Variants in ZNF385B observed in about 807,000 individuals in gnomAD.
ZNF385B encodes the protein zinc finger protein 385B.
Under a neutral mutation model 39.2 loss-of-function variants are expected in ZNF385B, and 23 were observed. The ratio of observed to expected loss-of-function variants is 0.59; its 90% CI spans 0.42 to 0.83. The LOEUF (loss-of-function observed/expected upper bound fraction) is 0.83, where lower values mean the gene tolerates loss of function less well. ZNF385B is among the 40% of genes least tolerant of loss of function. The pLI, the probability that ZNF385B is intolerant of heterozygous loss-of-function variation, is 0.00. For synonymous variants in ZNF385B, 205 were observed against 222.6 expected (o/e 0.92, Z 0.70); for missense variants, 552 against 598.9 (o/e 0.92, Z 0.82).
At chr2:179,618,488 C>T (rs1323857715) in intron 3 of ZNF385B, among the ~76,000 whole-genome samples, 3 of 152,190 alleles carry the variant, frequency 2.0e-5, no homozygotes, top group Non-Finnish European at 4.4e-5. Flanking sequence ...AAATAATTCA[C>T]TTGTTTTGCT....
At position 179,792,084 on chromosome 2, in the gene ZNF385B, T is replaced by A. The variant is rs576090888; in HGVS notation, c.-154-21412A>T. ...GCTTTACTTTTTATTTTCTAAAATA[T>A]CAAAATATTATTTCTCCTGATTACT... On this transcript the variant is annotated intron_variant, in intron 1 of 9. Coordinates refer to ENST00000410066, the MANE Select transcript of ZNF385B (RefSeq NM_152520.6). 1.3e-3 allele frequency among the ~76,000 whole-genome samples: 196 copies of A among 152,186 alleles called. 1 individual carries two copies. In the South Asian group the frequency reaches 0.014, roughly 11 times the overall value.
intron 3 of ZNF385B, among the ~76,000 whole-genome samples, chr2:179,708,569 G>A (rs1046157474): frequency 4.6e-5 from 7 of 152,260 alleles, no homozygotes; most frequent in Admixed American, 6.5e-5. Context: ...TGGGAAGACC[G>A]CTACCAAAAC....
chr2:179,570,808 T>G (rs1462970295), intron 3 of ZNF385B, among the ~76,000 whole-genome samples: 1 of 152,254 alleles, frequency 6.6e-6, no homozygotes, highest in Non-Finnish European at 1.5e-5. Context: ...CATGTTCATT[T>G]CTCAGAGAGA....
rs180996266 is a variant in ZNF385B, at chr2:179,655,554, C to G, written c.299-110585G>C. On this transcript the variant is annotated intron_variant, in intron 3 of 9. Transcript: ENST00000410066. ...GGGTTTTAAGAGCAAATCACAAAAG[C>G]AGAATAAGTACTTGGAGGAAAAAAA... Among the ~76,000 whole-genome samples the G allele has an allele frequency of 1.1e-4, 17 of 148,808 alleles. No individual in the cohort carries two copies. The East Asian group carries it at 3.3e-3, about 29-fold the overall frequency.
At chr2:179,678,980 C>T (rs891653435) in intron 3 of ZNF385B, among the ~76,000 whole-genome samples, 7 of 152,150 alleles carry the variant, frequency 4.6e-5, no homozygotes, top group African/African-American at 1.7e-4. Flanking sequence ...ATTATAATTT[C>T]CTTAAGGTTA....
chr2:179,612,842 T>C (rs1689404518), intron 3 of ZNF385B, among the ~76,000 whole-genome samples: 1 of 152,202 alleles, frequency 6.6e-6, no homozygotes, highest in East Asian at 1.9e-4. Flanking sequence ...TCTGCAGCCC[T>C]GGGAACGTCT....
chr2:179,482,626 C>G lies in ZNF385B; in HGVS notation c.715+646G>C, dbSNP rs561965741. On this transcript the variant is annotated intron_variant, in intron 6 of 9. Coordinates refer to ENST00000410066, the MANE Select transcript of ZNF385B (RefSeq NM_152520.6). ...GGCATTTCACCTAGTAATCCATTTC[C>G]ATTTATATATAAAGGTCTTCTGTTA... 5.9e-5 allele frequency among the ~76,000 whole-genome samples: 9 copies of G among 152,304 alleles called. No individual in the cohort carries two copies. In the East Asian group the frequency reaches 1.5e-3, roughly 26 times the overall value.
chr2:179,752,697 A>G (rs1410615042), intron 3 of ZNF385B, among the ~76,000 whole-genome samples: 1 of 151,944 alleles, frequency 6.6e-6, no homozygotes, highest in African/African-American at 2.4e-5. Flanking sequence ...GATGATGAGC[A>G]TTTTTTCATT....
At chr2:179,445,197 C>G (rs1574154372) in intron 8 of ZNF385B, among the ~76,000 whole-genome samples, 1 of 152,092 alleles carries the variant, frequency 6.6e-6, no homozygotes, top group South Asian at 2.1e-4. Flanking sequence ...CAGATTTTGC[C>G]TGGTATTACC....
chr2:179,635,171 T>C (rs998533495), intron 3 of ZNF385B, among the ~76,000 whole-genome samples: 1 of 149,752 alleles, frequency 6.7e-6, no homozygotes, highest in Non-Finnish European at 1.5e-5. Flanking sequence ...AAAGAAAATG[T>C]GACACATATA....
intron 4 of ZNF385B, among the ~76,000 whole-genome samples, chr2:179,532,072 T>C (rs1452149282): frequency 3.9e-5 from 6 of 152,328 alleles, no homozygotes; most frequent in Non-Finnish European, 8.8e-5. Flanking sequence ...CTTTATCGAA[T>C]AAGGCTCTGT....
chr2:179,600,812 T>A (rs1688351388), intron 3 of ZNF385B, among the ~76,000 whole-genome samples: 1 of 152,158 alleles, frequency 6.6e-6, no homozygotes. Flanking sequence ...CTTTTCTTCC[T>A]CCATTACAGA....
intron 5 of ZNF385B, chr2:179,514,375 C>G (rs1559379741): frequency 6.6e-6 from 1 of 152,204 alleles, no homozygotes. Flanking sequence ...CCAGGACAAT[C>G]CTTTTATCAT....
intron 3 of ZNF385B, among the ~76,000 whole-genome samples, chr2:179,683,810 G>C (rs1019844966): frequency 3.9e-5 from 6 of 152,034 alleles, no homozygotes; most frequent in Non-Finnish European, 8.8e-5. Context: ...CTGCATTACT[G>C]TTACCATTAG....
In ZNF385B at chr2:179,848,381, G is replaced by A. The variant is rs530887803; in HGVS notation, c.-155+12720C>T. Among the ~76,000 whole-genome samples, 9 of 152,266 alleles carry A rather than the reference G, an allele frequency of 5.9e-5. No homozygotes were observed. The South Asian group carries it at 1.0e-3, about 18-fold the overall frequency. On this transcript the variant is annotated intron_variant, in intron 1 of 9. Transcript: ENST00000410066. ...AGGCTGTTGAGGTGTCTAGCCTAGCGCAAGCTTCTATTATAGGCAAAGCAG... is the reference window on the plus strand; with the variant it reads ...AGGCTGTTGAGGTGTCTAGCCTAGCACAAGCTTCTATTATAGGCAAAGCAG...
At chr2:179,700,538 A>G (rs1699112605) in intron 3 of ZNF385B, among the ~76,000 whole-genome samples, 1 of 152,188 alleles carries the variant, frequency 6.6e-6, no homozygotes, top group African/African-American at 2.4e-5. Context: ...ATATATCTTT[A>G]CCTAAAGAAC....
chr2:179,498,461 C>T (rs2056448191), intron 5 of ZNF385B, among the ~76,000 whole-genome samples: 1 of 151,712 alleles, frequency 6.6e-6, no homozygotes, highest in African/African-American at 2.4e-5. Context: ...CTTAAAACAT[C>T]AAAAAAATGA....
chr2:179,499,343 T>G (rs1297925796), intron 5 of ZNF385B, among the ~76,000 whole-genome samples: 1 of 151,314 alleles, frequency 6.6e-6, no homozygotes, highest in Non-Finnish European at 1.5e-5. Flanking sequence ...TACAAAGACA[T>G]AAAAAAATTG....
chr2:179,744,467 C>T (rs1702262796), intron 3 of ZNF385B, among the ~76,000 whole-genome samples: 1 of 152,070 alleles, frequency 6.6e-6, no homozygotes, highest in African/African-American at 2.4e-5. Flanking sequence ...TAATTTCATG[C>T]TTTCAAAAGC....
Sources: allele counts gnomAD v4.1 joint callset (sites outside exome capture counted in the v4.1 genomes callset), GRCh38; gene constraint gnomAD v4.1.1; transcripts MANE v1.5; gene names NCBI Gene and HGNC (gene_info 2026-07-23, HGNC 2026-07-21).